The following ADAM18 variants were observed in gnomAD, a reference collection of about 807,000 sequenced individuals.
The protein encoded by ADAM18 is disintegrin and metalloproteinase domain-containing protein 18.
Under a neutral mutation model 94.4 loss-of-function variants are expected in ADAM18, and 117 were observed. The ratio of observed to expected loss-of-function variants is 1.24; its 90% CI spans 1.07 to 1.45. The LOEUF (loss-of-function observed/expected upper bound fraction) is 1.45, where lower values mean the gene tolerates loss of function less well. Among genes scored for constraint, ADAM18 ranks in the 40% most tolerant of loss-of-function variants. ADAM18 has a pLI of 0.00. For missense variants in ADAM18, 936 were observed against 880.0 expected (o/e 1.06, Z -0.81); for synonymous variants, 327 against 291.6 (o/e 1.12, Z -1.24).
At chr8:39,646,989 G>A (rs1820398861) in intron 11 of ADAM18, among the ~76,000 whole-genome samples, 1 of 151,974 alleles carries the variant, frequency 6.6e-6, no homozygotes, top group East Asian at 1.9e-4. Context: ...AATGTGAAGG[G>A]GTGGCCTGCC....
intron 14 of ADAM18, among the ~76,000 whole-genome samples, chr8:39,669,853 TG>T (rs1821104768): frequency 6.6e-6 from 1 of 152,188 alleles, no homozygotes; most frequent in Non-Finnish European, 1.5e-5. Flanking sequence ...CTGTGTCAAA[TG>T]GTATTTCTAG....
At position 39,676,041 on chromosome 8, in the gene ADAM18, C is replaced by CTA. The variant is rs1291120809; in HGVS notation, c.1526-1386_1526-1385dup. On this transcript the variant is annotated intron_variant, in intron 14 of 19. Coordinates refer to ENST00000265707, the MANE Select transcript of ADAM18 (RefSeq NM_014237.3). ...AGGGTCATCCCAGAGGGGCAGCCGC[C>CTA]TATATGAAGTGTCTGTTGGCCCCTT... 2.0e-5 allele frequency among the ~76,000 whole-genome samples: 3 copies of CTA among 152,274 alleles called. No homozygotes were observed. The East Asian group carries it at 5.8e-4, about 29-fold the overall frequency.
chr8:39,676,695 T>A (rs957658917), intron 14 of ADAM18, among the ~76,000 whole-genome samples: 1 of 152,176 alleles, frequency 6.6e-6, no homozygotes, highest in African/African-American at 2.4e-5. Context: ...GGTACCTCAG[T>A]TGGAAATGCA....
chr8:39,719,621 C>A (rs561327566), intron 18 of ADAM18, among the ~76,000 whole-genome samples: 6 of 151,334 alleles, frequency 4.0e-5, no homozygotes, highest in African/African-American at 9.7e-5. Context: ...ATTTAAAAAA[C>A]CAACTCTATA....
At chr8:39,700,085 C>T (rs1454557633) in intron 17 of ADAM18, among the ~76,000 whole-genome samples, 2 of 152,114 alleles carry the variant, frequency 1.3e-5, no homozygotes. Flanking sequence ...ACTTTGATAA[C>T]ACTTAAATTA....
chr8:39,640,813 A>G (rs1188630011), intron 10 of ADAM18, among the ~76,000 whole-genome samples: 1 of 97,302 alleles, frequency 1.0e-5, no homozygotes, highest in Non-Finnish European at 2.6e-5. Flanking sequence ...TTTTGGCCAC[A>G]TATTTTTTTT....
At chr8:39,646,725 A>G (rs1366920028) in intron 11 of ADAM18, among the ~76,000 whole-genome samples, 2 of 152,178 alleles carry the variant, frequency 1.3e-5, no homozygotes, top group Non-Finnish European at 2.9e-5. Context: ...TTTCTCCTAG[A>G]TATACTAGTG....
chr8:39,595,414 A>G (rs2129458137), intron 2 of ADAM18, among the ~76,000 whole-genome samples: 1 of 152,218 alleles, frequency 6.6e-6, no homozygotes, highest in East Asian at 1.9e-4. Context: ...CCAGCAAACC[A>G]TTTACAAGCA....
intron 17 of ADAM18, among the ~76,000 whole-genome samples, chr8:39,697,933 A>G (rs896312435): frequency 4.6e-5 from 7 of 151,944 alleles, no homozygotes; most frequent in African/African-American, 1.4e-4. Context: ...AGTTTTCATC[A>G]TACTCGTAAC....
In ADAM18 at chr8:39,729,932, G is replaced by A; in HGVS notation, c.2212G>A (p.Gly738Arg). 6.2e-7 allele frequency: 1 copy of A among 1,613,086 alleles called. No individual in the cohort carries two copies. ...SSVVSESDDV[G>R]H ...CGTTGTATCAGAAAGCGATGACGTG[G>A]GACATTAATATTGCACAGAACTTCC... The change falls in exon 20 of 20, where the codon GGA becomes AGA. Residue 738 changes from glycine to arginine, a missense_variant. Gly to Arg is a moderately radical substitution (Grantham distance 125, BLOSUM62 -2). Transcript: ENST00000265707.
intron 1 of ADAM18, 60 bp downstream of exon 1, chr8:39,584,737 T>C (rs995377770): frequency 6.4e-7 from 1 of 1,574,196 alleles, no homozygotes. Flanking sequence ...GGGCTCTTAC[T>C]GGGAGCAGTT....
chr8:39,603,379 G>A (rs1397638975), intron 2 of ADAM18, among the ~76,000 whole-genome samples: 1 of 152,066 alleles, frequency 6.6e-6, no homozygotes, highest in Non-Finnish European at 1.5e-5. Context: ...TTATTTTATT[G>A]TGCTTTACTT....
intron 12 of ADAM18, among the ~76,000 whole-genome samples, chr8:39,662,469 C>G (rs1820867922): frequency 6.6e-6 from 1 of 151,912 alleles, no homozygotes. Context: ...AGAATCCTGC[C>G]TTTATATTAA....
intron 6 of ADAM18, among the ~76,000 whole-genome samples, chr8:39,619,333 C>A (rs1371660235): frequency 6.6e-6 from 1 of 152,188 alleles, no homozygotes; most frequent in Admixed American, 6.5e-5. Context: ...TGGACATTTA[C>A]AGGAGATCTG....
At chr8:39,712,804 G>T (rs1822452972) in intron 18 of ADAM18, among the ~76,000 whole-genome samples, 1 of 152,106 alleles carries the variant, frequency 6.6e-6, no homozygotes, top group Non-Finnish European at 1.5e-5. Flanking sequence ...ACAAAGAAAT[G>T]GAAGAACAGT....
intron 10 of ADAM18, among the ~76,000 whole-genome samples, chr8:39,638,779 A>G (rs1235039837): frequency 2.0e-5 from 3 of 151,932 alleles, no homozygotes; most frequent in African/African-American, 4.8e-5. Flanking sequence ...TCACTCACCA[A>G]CTGGTCATAA....
At chr8:39,693,183 A>G (rs1027693688) in intron 17 of ADAM18, among the ~76,000 whole-genome samples, 1 of 151,600 alleles carries the variant, frequency 6.6e-6, no homozygotes, top group African/African-American at 2.4e-5. Flanking sequence ...TCCATTTATT[A>G]AAATTTATAA....
intron 11 of ADAM18, 81 bp downstream of exon 11, chr8:39,645,555 A>T: frequency 7.4e-7 from 1 of 1,360,160 alleles, no homozygotes; most frequent in Non-Finnish European, 1.0e-6. Context: ...AAACTTTTAT[A>T]TTCGGCACCA....
At chr8:39,633,553 G>A (rs1382840024) in intron 7 of ADAM18, among the ~76,000 whole-genome samples, 1 of 152,092 alleles carries the variant, frequency 6.6e-6, no homozygotes, top group East Asian at 1.9e-4. Flanking sequence ...CCAAGGTATT[G>A]GAAATTGGGA....
Sources: allele counts gnomAD v4.1 joint callset (sites outside exome capture counted in the v4.1 genomes callset), GRCh38; gene constraint gnomAD v4.1.1; transcripts MANE v1.5; gene names NCBI Gene and HGNC (gene_info 2026-07-23, HGNC 2026-07-21).